Variants in CELF2 observed in about 807,000 individuals in gnomAD.
The protein encoded by CELF2 is CUGBP Elav-like family member 2, also known as CUG triplet repeat RNA-binding protein 2.
In CELF2, 8 loss-of-function variants were observed where a neutral mutation model predicts 62.6. That is an observed-to-expected ratio of 0.13 (90% CI 0.07 to 0.23). CELF2 has a LOEUF of 0.23. Among genes scored for constraint, CELF2 ranks in the 10% least tolerant of loss-of-function variants. The pLI, the probability that CELF2 is intolerant of heterozygous loss-of-function variation, is 1.00. For missense variants in CELF2, 333 were observed against 671.0 expected (o/e 0.50, Z 5.56); for synonymous variants, 258 against 250.0 (o/e 1.03, Z -0.30).
intron 8 of CELF2, among the ~76,000 whole-genome samples, chr10:11,281,222 C>A (rs1248038962): frequency 6.6e-6 from 1 of 152,142 alleles, no homozygotes. Flanking sequence ...TCACCAAACA[C>A]ATTTTGCATG....
Position 11,285,998 on chromosome 10 carries a change from G to A in CELF2, c.842-2420G>A, listed in dbSNP as rs568556733. Among the ~76,000 whole-genome samples, 12 of 152,276 alleles carry A rather than the reference G, an allele frequency of 7.9e-5. No individual in the cohort carries two copies. The highest frequency in any genetic ancestry group is 2.4e-4 in the African/African-American group (10 of 41,548). ...CAACATAGGGTATGATGAGAGCCAC[G>A]AAAGAGTTATAAACAAACAGATAAA... On this transcript the variant is annotated intron_variant, in intron 8 of 12. Transcript: ENST00000633077. The surrounding 1 kb of genome is among the most constrained non-coding windows in gnomAD (Gnocchi z 4.3).
rs17149892 is a variant in CELF2 at position 11,233,603 on chromosome 10, G to T, written c.355-15550G>T. Among the ~76,000 whole-genome samples, 1,194 of 152,220 alleles carry T rather than the reference G, an allele frequency of 7.8e-3. 4 individuals carry two copies. The highest frequency in any genetic ancestry group is 0.013 in the Non-Finnish European group (900 of 68,024). ...CAGTACTAAAATTACTATTAACCAGGTCTTCCTCCTGTATTGCCCATCTTA... is the reference window on the plus strand; with the variant it reads ...CAGTACTAAAATTACTATTAACCAGTTCTTCCTCCTGTATTGCCCATCTTA... On this transcript the variant is annotated intron_variant, in intron 3 of 12. Coordinates refer to ENST00000633077, the MANE Select transcript of CELF2 (RefSeq NM_001326342.2).
the CELF2 span, among the ~76,000 whole-genome samples, chr10:10,510,796 G>C: frequency 6.6e-6 from 1 of 152,228 alleles, no homozygotes; most frequent in Non-Finnish European, 1.5e-5. Context: ...ATCCACGAAG[G>C]TGATCTCTGA....
At chr10:11,005,148 C>T (rs1385553141), upstream of CELF2, 10 of 984,820 alleles carry the variant, frequency 1.0e-5, no homozygotes, top group East Asian at 1.0e-3. This position sits in a 1 kb window ranked among gnomAD's most constrained non-coding sequence, Gnocchi z 4.3. Flanking sequence ...GCATAGACAA[C>T]ATAACTTGTC....
At chr10:10,753,688 T>C in the CELF2 span, among the ~76,000 whole-genome samples, 1,059 of 152,348 alleles carry the variant, frequency 7.0e-3, 13 homozygotes, top group African/African-American at 0.024. Context: ...AGATGAACAG[T>C]TGACTTTTGA....
chr10:11,231,111 G>T (rs1018232905), intron 3 of CELF2, among the ~76,000 whole-genome samples: 14 of 152,212 alleles, frequency 9.2e-5, no homozygotes, highest in African/African-American at 3.1e-4. Context: ...GGCTTAAAAA[G>T]AATGTCATCT....
At chr10:10,680,350 C>G in the CELF2 span, among the ~76,000 whole-genome samples, 1 of 152,110 alleles carries the variant, frequency 6.6e-6, no homozygotes, top group Non-Finnish European at 1.5e-5. Flanking sequence ...TCATACTCAA[C>G]AGTTTTGGTT....
chr10:10,490,587 T>G, the CELF2 span, among the ~76,000 whole-genome samples: 1 of 152,012 alleles, frequency 6.6e-6, no homozygotes, highest in Non-Finnish European at 1.5e-5. Flanking sequence ...GTGGAGCATG[T>G]GCACAATAGG....
At chr10:10,994,893 G>A (rs2053795174) in intron 2 of CELF2, among the ~76,000 whole-genome samples, 1 of 152,030 alleles carries the variant, frequency 6.6e-6, no homozygotes, top group South Asian at 2.1e-4. Context: ...TCTGCCCTCA[G>A]GCTAGTCTCC....
intron 1 of CELF2, among the ~76,000 whole-genome samples, chr10:11,085,931 C>T (rs966819301): frequency 6.6e-6 from 1 of 152,106 alleles, no homozygotes; most frequent in Admixed American, 6.5e-5. Flanking sequence ...TGTGCCTCAA[C>T]GGCCCATCTG....
intron 1 of CELF2, among the ~76,000 whole-genome samples, chr10:10,870,252 A>C (rs2060652358): frequency 6.6e-6 from 1 of 152,188 alleles, no homozygotes; most frequent in African/African-American, 2.4e-5. Context: ...CGTTAAATTT[A>C]GGGACATTTG....
chr10:10,821,774 G>A (rs959548338), intron 1 of CELF2, among the ~76,000 whole-genome samples: 4 of 152,130 alleles, frequency 2.6e-5, no homozygotes, highest in African/African-American at 9.7e-5. Flanking sequence ...CTGAATAGGT[G>A]GGAGTATGTG....
intron 1 of CELF2, among the ~76,000 whole-genome samples, chr10:11,150,641 C>T (rs2063154972): frequency 6.6e-6 from 1 of 152,240 alleles, no homozygotes; most frequent in Non-Finnish European, 1.5e-5. Context: ...CTCCCCATGT[C>T]AACCAGCAGG....
the CELF2 span, among the ~76,000 whole-genome samples, chr10:10,702,505 A>T: frequency 6.6e-6 from 1 of 152,188 alleles, no homozygotes; most frequent in African/African-American, 2.4e-5. Flanking sequence ...AATTCCTCCC[A>T]CAAATAAACA....
the CELF2 span, among the ~76,000 whole-genome samples, chr10:10,716,542 A>T: frequency 6.6e-6 from 1 of 152,220 alleles, no homozygotes; most frequent in Non-Finnish European, 1.5e-5. Context: ...CTCAGTCTCA[A>T]AAAGGGGAAA....
the CELF2 span, among the ~76,000 whole-genome samples, chr10:10,605,410 C>A: frequency 3.9e-5 from 6 of 152,286 alleles, no homozygotes; most frequent in South Asian, 1.2e-3. Context: ...ACATCCTGCA[C>A]GAGTACCCTG....
At chr10:10,740,404 T>C in the CELF2 span, among the ~76,000 whole-genome samples, 1 of 152,168 alleles carries the variant, frequency 6.6e-6, no homozygotes, top group Non-Finnish European at 1.5e-5. Context: ...AGAAAAGAGA[T>C]AGCAAGTGTT....
chr10:10,521,674 G>A, the CELF2 span, among the ~76,000 whole-genome samples: 110 of 152,214 alleles, frequency 7.2e-4, 1 homozygote, highest in East Asian at 0.012. Flanking sequence ...AAAGGGGAGC[G>A]GCTGTGTTGA....
the CELF2 span, among the ~76,000 whole-genome samples, chr10:10,682,514 G>A: frequency 2.6e-5 from 4 of 152,326 alleles, no homozygotes; most frequent in East Asian, 1.9e-4. Context: ...TGCTTCTTGC[G>A]CAGACTGAAG....
Sources: gnomAD v4.1 joint callset for allele counts (sites outside exome capture counted in the v4.1 genomes callset) on GRCh38, gnomAD v4.1.1 for gene constraint, Gnocchi (gnomAD v3.1) non-coding constraint, MANE v1.5 for transcripts, NCBI Gene and HGNC (gene_info 2026-07-23, HGNC 2026-07-21) for gene names.